Variants in SHROOM4 observed in about 807,000 individuals in gnomAD.
SHROOM4 encodes shroom family member 4, also known as protein Shroom4.
Under a neutral mutation model 80.3 loss-of-function variants are expected in SHROOM4, and 17 were observed. The observed-to-expected ratio is 0.21, with a 90% CI of 0.14 to 0.32. The LOEUF (loss-of-function observed/expected upper bound fraction) is 0.32. SHROOM4 is among the 10% of genes least tolerant of loss of function. The pLI is 1.00. For missense variants in SHROOM4, 993 were observed against 1,140.3 expected, an observed-to-expected ratio of 0.87 and a Z score of 1.86; for synonymous variants, 400 against 437.5, an observed-to-expected ratio of 0.91 and a Z score of 1.07.
chrX:50,799,376 G>T (rs1440256728), intron 1 of SHROOM4, among the ~76,000 whole-genome samples: 2 of 111,823 alleles, frequency 1.8e-5, no homozygotes, highest in African/African-American at 6.5e-5. Flanking sequence ...CCTATAGTGT[G>T]TCTTTTAAAC....
intron 2 of SHROOM4, among the ~76,000 whole-genome samples, chrX:50,649,381 G>A (rs1366968546): frequency 8.9e-6 from 1 of 111,842 alleles, no homozygotes; most frequent in African/African-American, 3.3e-5. Flanking sequence ...GACTGCCCAC[G>A]GTGAATGTAT....
At position 50,686,609 on chromosome X, in the gene SHROOM4, T is replaced by A. The variant is rs782498908; in HGVS notation, c.269+9177A>T. On this transcript the variant is annotated intron_variant, in intron 2 of 8. Transcript: ENST00000376020. ...TGACTTGAAAAATATATGTATATAT[T>A]TTATATATACACATATTTTATATGT... Among the ~76,000 whole-genome samples, 3 of 111,425 alleles carry A rather than the reference T, an allele frequency of 2.7e-5. No individual in the cohort carries two copies. The South Asian group carries it at 1.1e-3, about 42-fold the overall frequency.
downstream of SHROOM4, among the ~76,000 whole-genome samples, chrX:50,584,055 G>A (rs1213121130): frequency 8.9e-6 from 1 of 112,026 alleles, no homozygotes; most frequent in African/African-American, 3.2e-5. Context: ...TCTCTCTTGA[G>A]CTTTTGACTT....
chrX:50,677,964 AAAAGGGG>A (rs1932875380), intron 2 of SHROOM4, among the ~76,000 whole-genome samples: 2 of 111,552 alleles, frequency 1.8e-5, no homozygotes, highest in African/African-American at 6.5e-5. Flanking sequence ...TGAGTCATTC[AAAAGGGG>A]AAAAACAAAA....
intron 2 of SHROOM4, among the ~76,000 whole-genome samples, chrX:50,677,625 T>C (rs940525550): frequency 9.0e-6 from 1 of 111,592 alleles, no homozygotes; most frequent in Non-Finnish European, 1.9e-5. Context: ...CCCAGAGATA[T>C]TAAGGCAGAC....
intron 5 of SHROOM4, among the ~76,000 whole-genome samples, chrX:50,611,256 C>G (rs1289575081): frequency 1.9e-5 from 2 of 105,468 alleles, no homozygotes; most frequent in Non-Finnish European, 3.9e-5. Flanking sequence ...TCACGCCATT[C>G]TCCTGCCTCA....
chrX:50,713,329 A>C (rs1358435767), intron 1 of SHROOM4, among the ~76,000 whole-genome samples: 1 of 111,648 alleles, frequency 9.0e-6, no homozygotes. Context: ...CTGGGACTCA[A>C]CATCTAGCCC....
intron 1 of SHROOM4, among the ~76,000 whole-genome samples, chrX:50,793,280 G>A (rs1935889694): frequency 9.1e-6 from 1 of 110,106 alleles, no homozygotes. Flanking sequence ...CAGGAGCCAG[G>A]GGGAGAGGGA....
At chrX:50,788,922 G>T (rs986889292) in intron 1 of SHROOM4, among the ~76,000 whole-genome samples, 1 of 111,285 alleles carries the variant, frequency 9.0e-6, no homozygotes, top group Admixed American at 9.5e-5. Flanking sequence ...AGAGACAAAG[G>T]ACAATGTGCA....
chrX:50,739,246 A>T (rs1432973178), intron 1 of SHROOM4, among the ~76,000 whole-genome samples: 46 of 111,561 alleles, frequency 4.1e-4, no homozygotes, highest in African/African-American at 1.4e-3. Context: ...AAACCTAGGC[A>T]ATACCATTCA....
chrX:50,761,680 A>G (rs1317834648), intron 1 of SHROOM4, among the ~76,000 whole-genome samples: 1 of 110,982 alleles, frequency 9.0e-6, no homozygotes, highest in Non-Finnish European at 1.9e-5. Flanking sequence ...CTCCTGCCTC[A>G]ACCTCCCGAG....
rs1174047394 is a variant in SHROOM4 at position 50,618,275 on chromosome X, TTCC to T, written c.2957+9336_2957+9338del. On this transcript the variant is annotated intron_variant, in intron 5 of 8. Coordinates refer to ENST00000376020, the MANE Select transcript of SHROOM4 (RefSeq NM_020717.5). ...GGTTTCTTTCTTTTCTTCTCTTCTCTTCCCCTTCCTTCCTTCCTTCCTTCCTTC... is the reference window on the plus strand; with the variant it reads ...GGTTTCTTTCTTTTCTTCTCTTCTCTCCTTCCTTCCTTCCTTCCTTCCTTC... 2.2e-3 allele frequency among the ~76,000 whole-genome samples: 200 copies of T among 92,610 alleles called. 2 individuals carry two copies. Among genetic ancestry groups the T allele is most frequent in the African/African-American group, 6.6e-3 (171 of 26,072 alleles). 80.4% of individuals were successfully genotyped at this position (92,610 alleles called of 115,157 possible). A position where few individuals can be genotyped will look rare whatever the true frequency, so the allele number is the denominator to read the frequency against.
At chrX:50,734,358 A>G (rs1343059765) in intron 1 of SHROOM4, among the ~76,000 whole-genome samples, 1 of 111,476 alleles carries the variant, frequency 9.0e-6, no homozygotes, top group East Asian at 2.8e-4. Context: ...GAGGGCTCAC[A>G]CTTCTTGATA....
chrX:50,635,335 G>A lies in SHROOM4; in HGVS notation c.738C>T (p.Gly246=). ...TSGGSRRTNG[G]HLTPSSQMSS... ...ACATCTGAGAGCTGGGGGTCAGGTG[G>A]CCCCCATTGGTGCGCCGACTACCTC... The change falls in exon 4 of 9, where the codon GGC becomes GGT. Residue 246 remains glycine (G), a synonymous_variant. Transcript: ENST00000376020. The A allele has an allele frequency of 8.3e-7, 1 of 1,201,766 alleles. No individual in the cohort carries two copies. The highest frequency in any genetic ancestry group is 1.1e-6 in the Non-Finnish European group (1 of 890,274).
At chrX:50,581,336 T>C in the SHROOM4 span, among the ~76,000 whole-genome samples, 7 of 112,328 alleles carry the variant, frequency 6.2e-5, no homozygotes, top group African/African-American at 2.3e-4. Context: ...CAATATATAA[T>C]GAGGATTTTT....
intron 2 of SHROOM4, among the ~76,000 whole-genome samples, chrX:50,679,136 C>T (rs1410266181): frequency 9.0e-6 from 1 of 111,386 alleles, no homozygotes; most frequent in Non-Finnish European, 1.9e-5. Context: ...ACGTCTCCTC[C>T]TACATTTCTG....
chrX:50,725,582 G>A (rs185133536), intron 1 of SHROOM4, among the ~76,000 whole-genome samples: 1 of 112,403 alleles, frequency 8.9e-6, no homozygotes, highest in Admixed American at 9.4e-5. Context: ...TCTTGTGATA[G>A]TGAGTGAGTT....
At chrX:50,623,470 G>C (rs1430892496) in intron 5 of SHROOM4, among the ~76,000 whole-genome samples, 1 of 111,619 alleles carries the variant, frequency 9.0e-6, no homozygotes, top group African/African-American at 3.3e-5. Context: ...TTACAGGTGT[G>C]AGCCACCGCG....
chrX:50,726,126 G>T, intron 1 of SHROOM4, among the ~76,000 whole-genome samples: 2 of 112,113 alleles, frequency 1.8e-5, no homozygotes, highest in South Asian at 7.5e-4. Flanking sequence ...TGCCCTAGAG[G>T]TCTGTGGAAC....
Sources: gnomAD v4.1 joint callset for allele counts (sites outside exome capture counted in the v4.1 genomes callset) on GRCh38, gnomAD v4.1.1 for gene constraint, MANE v1.5 for transcripts, NCBI Gene and HGNC (gene_info 2026-07-23, HGNC 2026-07-21) for gene names.